Variants in LRRC7 observed in about 807,000 individuals in gnomAD.
The protein encoded by LRRC7 is leucine rich repeat containing 7, also known as leucine-rich repeat-containing protein 7.
LRRC7 carries 23 observed loss-of-function variants against 175.7 expected under a neutral mutation model. That is an observed-to-expected ratio of 0.13 (90% CI 0.09 to 0.19). The LOEUF (loss-of-function observed/expected upper bound fraction) is 0.19, where lower values mean the gene tolerates loss of function less well. Among genes scored for constraint, LRRC7 ranks in the 10% least tolerant of loss-of-function variants. LRRC7 has a pLI of 1.00. For missense variants in LRRC7, 1,354 were observed against 1,904.7 expected (o/e 0.71, Z 5.38); for synonymous variants, 685 against 680.9 (o/e 1.01, Z -0.09).
chr1:69,662,337 A>C (rs1244114298), intron 1 of LRRC7, among the ~76,000 whole-genome samples: 1 of 152,214 alleles, frequency 6.6e-6, no homozygotes, highest in Non-Finnish European at 1.5e-5. Flanking sequence ...AGATTTTTCA[A>C]GACATTCATA....
intron 23 of LRRC7, among the ~76,000 whole-genome samples, chr1:70,054,019 A>C (rs749771438): frequency 2.0e-5 from 3 of 152,218 alleles, no homozygotes; most frequent in Non-Finnish European, 2.9e-5. Context: ...ACTCTTTTAG[A>C]CTTCTTATTG....
In LRRC7 at chr1:69,568,521, TCTCCTCCG is replaced by T; in HGVS notation, c.-118_-111del. On this transcript the variant is annotated 5_prime_UTR_variant, in exon 1 of 27. Transcript: ENST00000651989. ...CTACCTTCTACTCCTTCCCTCCTCTTCTCCTCCGAAGACCCTGGCGCCCACTCCACTGC... is the reference window on the plus strand; with the variant it reads ...CTACCTTCTACTCCTTCCCTCCTCTTAAGACCCTGGCGCCCACTCCACTGC... 1 of 939,834 alleles carries T rather than the reference TCTCCTCCG, an allele frequency of 1.1e-6. No homozygotes were observed. The highest frequency in any genetic ancestry group is 1.5e-6 in the Non-Finnish European group (1 of 675,972). 58.2% of individuals were successfully genotyped at this position (939,834 alleles called of 1,614,324 possible).
chr1:69,594,402 G>A (rs766045858), intron 1 of LRRC7, among the ~76,000 whole-genome samples: 3 of 152,058 alleles, frequency 2.0e-5, no homozygotes, highest in Non-Finnish European at 2.9e-5. Context: ...GTTTTATTTG[G>A]CAAGCATTCC....
intron 10 of LRRC7, among the ~76,000 whole-genome samples, chr1:69,991,155 C>CAA (rs10709966): frequency 7.4e-5 from 10 of 135,430 alleles, no homozygotes; most frequent in African/African-American, 2.2e-4. Context: ...GACCTTTTAT[C>CAA]AAAAAAAAAA....
chr1:69,886,272 C>A (rs1031199685), intron 7 of LRRC7, among the ~76,000 whole-genome samples: 7 of 151,766 alleles, frequency 4.6e-5, no homozygotes, highest in South Asian at 2.1e-4. Context: ...GTAGGTCACT[C>A]AGGACTTGCT....
intron 1 of LRRC7, among the ~76,000 whole-genome samples, chr1:69,671,957 C>G (rs942162736): frequency 1.3e-5 from 2 of 152,176 alleles, no homozygotes; most frequent in Non-Finnish European, 2.9e-5. Context: ...GAAGTTAAAA[C>G]CAAGCACTGT....
At chr1:69,694,973 G>C (rs1259647332) in intron 2 of LRRC7, among the ~76,000 whole-genome samples, 1 of 152,192 alleles carries the variant, frequency 6.6e-6, no homozygotes, top group Non-Finnish European at 1.5e-5. Flanking sequence ...AACTGTTACT[G>C]AGGAGTGGAG....
chr1:69,766,560 A>C (rs1265059676), intron 3 of LRRC7, among the ~76,000 whole-genome samples: 1 of 152,138 alleles, frequency 6.6e-6, no homozygotes, highest in African/African-American at 2.4e-5. Context: ...AGTAATTAGC[A>C]GGAAAACCAA....
chr1:69,635,373 C>CT (rs1169849756), intron 1 of LRRC7, among the ~76,000 whole-genome samples: 4 of 151,948 alleles, frequency 2.6e-5, no homozygotes, highest in African/African-American at 9.7e-5. Flanking sequence ...ATTAAAACTG[C>CT]TTTTTAACAA....
At chr1:69,638,941 TAA>T (rs779698614) in intron 1 of LRRC7, among the ~76,000 whole-genome samples, 75 of 151,852 alleles carry the variant, frequency 4.9e-4, no homozygotes, top group Non-Finnish European at 7.8e-4. Context: ...ACCTCCAGTA[TAA>T]AGAGTGAAAC....
intron 2 of LRRC7, among the ~76,000 whole-genome samples, chr1:69,726,021 A>G (rs12060163): frequency 6.6e-6 from 1 of 152,158 alleles, no homozygotes; most frequent in South Asian, 2.1e-4. Context: ...TAAAGCTATA[A>G]CCATTAACCT....
rs185063715 is a variant in LRRC7 at position 70,130,187 on chromosome 1, T to C, written c.*8300T>C. ...TGGTGTTTGTTTTTCCTATGAACTT[T>C]AAGCTTTTTGAGAGAGAGGATCAGA... On this transcript the variant is annotated 3_prime_UTR_variant, in exon 27 of 27. Coordinates refer to ENST00000651989, the MANE Select transcript of LRRC7 (RefSeq NM_001370785.2). The C allele has an allele frequency of 4.3e-4, 66 of 152,348 alleles. No individual in the cohort carries two copies. The highest frequency in any genetic ancestry group is 1.4e-3 in the African/African-American group (59 of 41,576). 9.4% of individuals were successfully genotyped at this position (152,348 alleles called of 1,614,324 possible). A position where few individuals can be genotyped will look rare whatever the true frequency, so the allele number is the denominator to read the frequency against.
At chr1:69,815,803 A>G (rs947408806) in intron 4 of LRRC7, among the ~76,000 whole-genome samples, 4 of 152,176 alleles carry the variant, frequency 2.6e-5, no homozygotes, top group African/African-American at 9.6e-5. Flanking sequence ...TGGGAAATCT[A>G]TCTCATGAGG....
chr1:69,973,374 A>G (rs980682023), intron 8 of LRRC7, among the ~76,000 whole-genome samples: 2 of 152,054 alleles, frequency 1.3e-5, no homozygotes, highest in African/African-American at 2.4e-5. Flanking sequence ...AAATCTCACA[A>G]ATCACCACTA....
rs760714065 is a variant in LRRC7 at position 69,667,979 on chromosome 1, G to GT, written c.3-10393dup. 2.9e-3 allele frequency among the ~76,000 whole-genome samples: 433 copies of GT among 150,124 alleles called. 1 individual carries two copies. The highest frequency in any genetic ancestry group is 9.1e-3 in the African/African-American group (371 of 40,970). On this transcript the variant is annotated intron_variant, in intron 1 of 26. Coordinates refer to ENST00000651989, the MANE Select transcript of LRRC7 (RefSeq NM_001370785.2). ...TTTATTTTTTGTGTACCCATTGTAT[G>GT]TTTTTTTTTATTTGAGGTCACCATG... is the stretch of plus-strand genomic sequence containing the variant.
chr1:69,583,961 C>T (rs1033315792), intron 1 of LRRC7, among the ~76,000 whole-genome samples: 1 of 152,070 alleles, frequency 6.6e-6, no homozygotes, highest in African/African-American at 2.4e-5. Flanking sequence ...ATCTTCTGTG[C>T]CCAGCTAAAT....
chr1:69,779,105 G>A (rs1440206883), intron 3 of LRRC7, among the ~76,000 whole-genome samples: 1 of 151,714 alleles, frequency 6.6e-6, no homozygotes, highest in Non-Finnish European at 1.5e-5. Context: ...TGCCATTCAG[G>A]CTAATTGTTC....
intron 8 of LRRC7, among the ~76,000 whole-genome samples, chr1:69,973,600 A>G (rs1652498618): frequency 6.6e-6 from 1 of 152,132 alleles, no homozygotes; most frequent in Non-Finnish European, 1.5e-5. Flanking sequence ...TTGATTGATC[A>G]TGGTAAATCA....
chr1:69,596,921 T>C (rs1179931102), intron 1 of LRRC7, among the ~76,000 whole-genome samples: 1 of 152,222 alleles, frequency 6.6e-6, no homozygotes, highest in Admixed American at 6.5e-5. Flanking sequence ...TTCAGTGTAT[T>C]GAATGAGAAC....
Sources: gnomAD v4.1 joint callset for allele counts (sites outside exome capture counted in the v4.1 genomes callset) on GRCh38, gnomAD v4.1.1 for gene constraint, MANE v1.5 for transcripts, NCBI Gene and HGNC (gene_info 2026-07-23, HGNC 2026-07-21) for gene names.